The following NAV2 variants were observed in gnomAD, a reference collection of about 807,000 sequenced individuals.
NAV2 encodes the protein helicase, APC down-regulated 1.
NAV2 carries 54 observed loss-of-function variants against 223.2 expected under a neutral mutation model. The ratio of observed to expected loss-of-function variants is 0.24; its 90% CI spans 0.19 to 0.30. The LOEUF (loss-of-function observed/expected upper bound fraction) is 0.30. Ranked by LOEUF, NAV2 falls within the 10% of genes least tolerant of loss-of-function variation. NAV2 has a pLI of 1.00. For missense variants in NAV2, 2,806 were observed against 3,147.5 expected (o/e 0.89, Z 2.60); for synonymous variants, 1,279 against 1,239.3 (o/e 1.03, Z -0.67).
At chr11:19,828,727 T>A (rs1299065935) in intron 1 of NAV2, among the ~76,000 whole-genome samples, 1 of 151,884 alleles carries the variant, frequency 6.6e-6, no homozygotes, top group African/African-American at 2.4e-5. Context: ...TGGGCTCAAG[T>A]TTGCCTTTAA....
chr11:19,925,378 T>C (rs996220777), intron 6 of NAV2, among the ~76,000 whole-genome samples: 3 of 152,356 alleles, frequency 2.0e-5, no homozygotes, highest in African/African-American at 7.2e-5. Context: ...CCCTATGTTT[T>C]CCTTTAGGAG....
At chr11:19,900,429 C>A (rs933875303) in intron 6 of NAV2, among the ~76,000 whole-genome samples, 1 of 152,152 alleles carries the variant, frequency 6.6e-6, no homozygotes, top group Non-Finnish European at 1.5e-5. Flanking sequence ...ATGGCTCTGG[C>A]CAAATGTCAT....
At chr11:19,728,929 G>A (rs2051489792) in intron 1 of NAV2, among the ~76,000 whole-genome samples, 2 of 152,100 alleles carry the variant, frequency 1.3e-5, no homozygotes, top group South Asian at 4.1e-4. Context: ...AGGTCCTATG[G>A]GGCAAGAGAG....
At chr11:19,919,506 C>T (rs2044090260) in intron 6 of NAV2, among the ~76,000 whole-genome samples, 1 of 152,120 alleles carries the variant, frequency 6.6e-6, no homozygotes, top group African/African-American at 2.4e-5. Flanking sequence ...GGGCACAGGG[C>T]CCTGGCTCAG....
chr11:19,659,505 G>A (rs1363450730), intron 1 of NAV2, among the ~76,000 whole-genome samples: 5 of 152,190 alleles, frequency 3.3e-5, no homozygotes, highest in African/African-American at 9.7e-5. Context: ...TGTATAGAAA[G>A]TAGGCAGGGA....
intron 10 of NAV2, among the ~76,000 whole-genome samples, chr11:19,973,491 G>T (rs769136682): frequency 6.6e-6 from 1 of 152,160 alleles, no homozygotes; most frequent in Non-Finnish European, 1.5e-5. Flanking sequence ...TCCAAAAGAC[G>T]CATGAAGCTT....
intron 1 of NAV2, among the ~76,000 whole-genome samples, chr11:19,715,140 C>T (rs1355576746): frequency 6.6e-6 from 1 of 152,188 alleles, no homozygotes; most frequent in East Asian, 1.9e-4. Context: ...GGAGCTGAAG[C>T]TAATTGTAAG....
At chr11:19,814,371 G>A (rs2058985093) in intron 1 of NAV2, among the ~76,000 whole-genome samples, 1 of 152,102 alleles carries the variant, frequency 6.6e-6, no homozygotes, top group Admixed American at 6.5e-5. Context: ...CCCGGGAAGG[G>A]CCCACTGCCC....
chr11:19,363,349 C>A (rs1049288128), intron 1 of NAV2, among the ~76,000 whole-genome samples: 1 of 152,122 alleles, frequency 6.6e-6, no homozygotes, highest in Non-Finnish European at 1.5e-5. Context: ...CCATGGTGTA[C>A]ATGTGCCACA....
chr11:19,444,008 C>T (rs552269095), intron 1 of NAV2, among the ~76,000 whole-genome samples: 2 of 152,244 alleles, frequency 1.3e-5, no homozygotes, highest in South Asian at 4.1e-4. Context: ...AATCTCGGCT[C>T]ACTGCAACCT....
chr11:20,089,329 C>G (rs1490389196), intron 26 of NAV2, among the ~76,000 whole-genome samples: 1 of 152,204 alleles, frequency 6.6e-6, no homozygotes, highest in Non-Finnish European at 1.5e-5. Context: ...AAAAGAGCAA[C>G]AGAAACATTT....
intron 1 of NAV2, among the ~76,000 whole-genome samples, chr11:19,775,680 T>G (rs1161032734): frequency 6.6e-6 from 1 of 151,814 alleles, no homozygotes; most frequent in Non-Finnish European, 1.5e-5. Flanking sequence ...TGGAAGAGAG[T>G]GTGGGAACGA....
chr11:20,051,244 G>T (rs2057975609), intron 16 of NAV2, 45 bp from the exon 17 acceptor site: 1 of 1,561,350 alleles, frequency 6.4e-7, no homozygotes. Flanking sequence ...TCTGCCTTCT[G>T]TGTGCTGCTC....
At chr11:20,087,711 G>A (rs887633380) in intron 26 of NAV2, among the ~76,000 whole-genome samples, 7 of 152,174 alleles carry the variant, frequency 4.6e-5, no homozygotes, top group Non-Finnish European at 8.8e-5. Flanking sequence ...TGTATTGAGC[G>A]CCTAGTGGGT....
At chr11:19,667,063 C>A (rs1397769974) in intron 1 of NAV2, among the ~76,000 whole-genome samples, 1 of 152,144 alleles carries the variant, frequency 6.6e-6, no homozygotes, top group Non-Finnish European at 1.5e-5. Context: ...CTAGACCCAG[C>A]CCCTCTCTGT....
chr11:19,604,212 G>T (rs946747033), intron 1 of NAV2, among the ~76,000 whole-genome samples: 1 of 152,158 alleles, frequency 6.6e-6, no homozygotes, highest in African/African-American at 2.4e-5. Flanking sequence ...TTACTCTAGA[G>T]GCTGTGAGAA....
rs373872599 is a variant in NAV2, at chr11:20,105,762, G to A, written c.6841+35G>A. The stretch of plus-strand genomic sequence containing the variant: ...AGACTGGGGTCAGGGGGGCGGGCTG[G>A]CATCCTCAGGTGCCCATCCTCTGGG... On this transcript the variant is annotated intron_variant, in intron 35 of 37. Coordinates refer to ENST00000349880, the MANE Select transcript of NAV2 (RefSeq NM_145117.5). The A allele has an allele frequency of 2.6e-6, 4 of 1,559,642 alleles. No homozygotes were observed. In the African/African-American group the frequency reaches 5.4e-5, roughly 21 times the overall value.
intron 31 of NAV2, 26 bp from the exon 32 acceptor site, chr11:20,100,911 A>G: frequency 1.9e-6 from 3 of 1,599,576 alleles, no homozygotes; most frequent in Non-Finnish European, 2.6e-6. Context: ...AGGGCTTCAG[A>G]TGATTCCTGT....
chr11:19,350,440 G>A (rs1485553704), upstream of NAV2, among the ~76,000 whole-genome samples: 2 of 152,252 alleles, frequency 1.3e-5, no homozygotes, highest in Non-Finnish European at 2.9e-5. Flanking sequence ...ATGAACGCTT[G>A]CAGGAGCCAT....
Sources: gnomAD v4.1 joint callset for allele counts (sites outside exome capture counted in the v4.1 genomes callset) on GRCh38, gnomAD v4.1.1 for gene constraint, MANE v1.5 for transcripts, NCBI Gene and HGNC (gene_info 2026-07-23, HGNC 2026-07-21) for gene names.